Variants in FBXL13 observed in about 807,000 individuals in gnomAD.
FBXL13 encodes F-box and leucine-rich repeat protein 13.
In FBXL13, 67 loss-of-function variants were observed where a neutral mutation model predicts 83.6. That is an observed-to-expected ratio of 0.80 (90% CI 0.66 to 0.98). FBXL13 has a LOEUF of 0.98. FBXL13 is among the 50% of genes least tolerant of loss of function. FBXL13 has a pLI of 0.00. For synonymous variants in FBXL13, 272 were observed against 299.5 expected (o/e 0.91, Z 0.95); for missense variants, 822 against 866.5 (o/e 0.95, Z 0.64).
chr7:103,074,203 T>C (rs2129515830), intron 1 of FBXL13: 1 of 987,066 alleles, frequency 1.0e-6, no homozygotes, highest in Non-Finnish European at 1.2e-6. Flanking sequence ...CTAACCTCCA[T>C]CTATTTTCTG....
intron 16 of FBXL13, among the ~76,000 whole-genome samples, chr7:102,866,253 G>A (rs936715162): frequency 4.6e-5 from 7 of 152,164 alleles, no homozygotes; most frequent in Non-Finnish European, 1.0e-4. Context: ...CCATCTTGAG[G>A]GAAGTGACAG....
Position 103,012,213 on chromosome 7 carries a change from T to C in FBXL13, c.495+12850A>G, listed in dbSNP as rs1052803114. 3.9e-5 allele frequency among the ~76,000 whole-genome samples: 6 copies of C among 151,902 alleles called. No homozygotes were observed. In the South Asian group the frequency reaches 1.2e-3, roughly 32 times the overall value. Reference sequence around the variant, plus strand: ...CAACATGGAGAAACCCCGTCACTACTAAAAATACAAAATTAGCCGGGCGTG... The same window carrying C: ...CAACATGGAGAAACCCCGTCACTACCAAAAATACAAAATTAGCCGGGCGTG... On this transcript the variant is annotated intron_variant, in intron 6 of 19. Transcript: ENST00000313221.
intron 17 of FBXL13, among the ~76,000 whole-genome samples, chr7:102,846,632 A>AG (rs1200796217): frequency 6.6e-6 from 1 of 151,704 alleles, no homozygotes; most frequent in African/African-American, 2.4e-5. Context: ...AAAAAAAAAA[A>AG]TCTGAAATGA....
At chr7:102,867,338 A>G (rs1807799586) in intron 16 of FBXL13, among the ~76,000 whole-genome samples, 1 of 152,004 alleles carries the variant, frequency 6.6e-6, no homozygotes, top group African/African-American at 2.4e-5. Context: ...GGACTAAGTG[A>G]CACAGAAAGA....
At chr7:102,932,251 G>C (rs1819322848) in intron 8 of FBXL13, among the ~76,000 whole-genome samples, 1 of 152,126 alleles carries the variant, frequency 6.6e-6, no homozygotes, top group Non-Finnish European at 1.5e-5. Context: ...CTGGTTTTTT[G>C]TGCCTGCTTT....
chr7:102,965,624 G>A (rs1473954245), intron 7 of FBXL13, among the ~76,000 whole-genome samples: 1 of 152,120 alleles, frequency 6.6e-6, no homozygotes, highest in Non-Finnish European at 1.5e-5. Context: ...ATCCTAGGCT[G>A]GCGCTTATGT....
intron 6 of FBXL13, among the ~76,000 whole-genome samples, chr7:103,006,290 T>A (rs1006172005): frequency 3.9e-5 from 6 of 152,094 alleles, no homozygotes; most frequent in African/African-American, 1.2e-4. Flanking sequence ...TCTTCTTGAG[T>A]CTTTGACCGT....
chr7:103,019,699 T>C (rs1350495888), intron 6 of FBXL13, among the ~76,000 whole-genome samples: 1 of 152,164 alleles, frequency 6.6e-6, no homozygotes, highest in East Asian at 1.9e-4. Flanking sequence ...TAAACACCTC[T>C]ATGCAAATAA....
At chr7:102,843,349 A>G (rs923290987) in intron 17 of FBXL13, among the ~76,000 whole-genome samples, 9 of 152,192 alleles carry the variant, frequency 5.9e-5, no homozygotes, top group African/African-American at 2.2e-4. Flanking sequence ...AAGCTGAAGC[A>G]GGAGAATCAC....
At chr7:102,863,697 G>A (rs1202408333) in intron 16 of FBXL13, among the ~76,000 whole-genome samples, 1 of 152,052 alleles carries the variant, frequency 6.6e-6, no homozygotes, top group Non-Finnish European at 1.5e-5. Flanking sequence ...AGAATCAAAG[G>A]GGCCCATAGT....
At chr7:103,030,644 AAT>A (rs1453074947) in intron 2 of FBXL13, among the ~76,000 whole-genome samples, 11 of 151,718 alleles carry the variant, frequency 7.3e-5, no homozygotes, top group South Asian at 6.2e-4. Context: ...ATGTCATAAA[AAT>A]ATGAGTATAT....
At chr7:102,847,833 A>G (rs1393393716) in intron 17 of FBXL13, among the ~76,000 whole-genome samples, 1 of 152,006 alleles carries the variant, frequency 6.6e-6, no homozygotes, top group Admixed American at 6.6e-5. Context: ...CCAACCAACA[A>G]ACCAATTTTT....
chr7:103,055,709 A>C (rs539124787), exon 2 of FBXL13: 19 of 1,286,106 alleles, frequency 1.5e-5, no homozygotes, highest in Non-Finnish European at 1.9e-5. Flanking sequence ...ACCTCAGCGG[A>C]TCCTCAGGAC....
chr7:102,981,348 A>C (rs1237175504), intron 6 of FBXL13, among the ~76,000 whole-genome samples: 1 of 151,972 alleles, frequency 6.6e-6, no homozygotes, highest in Non-Finnish European at 1.5e-5. Flanking sequence ...TAAAATTTTT[A>C]CTTATTTGAT....
intron 2 of FBXL13, among the ~76,000 whole-genome samples, chr7:103,050,917 G>A (rs1748365176): frequency 6.6e-6 from 1 of 152,128 alleles, no homozygotes; most frequent in Non-Finnish European, 1.5e-5. Context: ...CGCCAAACCT[G>A]TTCTTAACTG....
chr7:103,001,121 TTTTTTTTTG>T, intron 6 of FBXL13, among the ~76,000 whole-genome samples: 1 of 149,240 alleles, frequency 6.7e-6, no homozygotes, highest in South Asian at 2.1e-4. Context: ...TATATATATA[TTTTTTTTTG>T]ATTTTTTTTT....
chr7:102,957,288 G>C lies in FBXL13; in HGVS notation c.724+6245C>G, dbSNP rs566053481. The stretch of plus-strand genomic sequence containing the variant: ...TGACGAAAACAAGAAATGGGGAAAG[G>C]ATTCCCTATTTAATAAATAATGCTG... On this transcript the variant is annotated intron_variant, in intron 8 of 19. Transcript: ENST00000313221. 1.2e-4 allele frequency among the ~76,000 whole-genome samples: 18 copies of C among 152,294 alleles called. No individual in the cohort carries two copies. The South Asian group carries it at 3.7e-3, about 32-fold the overall frequency.
chr7:102,960,497 A>G (rs1362336895), intron 8 of FBXL13, among the ~76,000 whole-genome samples: 1 of 151,832 alleles, frequency 6.6e-6, no homozygotes, highest in African/African-American at 2.4e-5. Context: ...GGCCAGCATC[A>G]TTCTGATACC....
chr7:102,860,535 G>A (rs971601367), intron 16 of FBXL13, among the ~76,000 whole-genome samples: 9 of 152,144 alleles, frequency 5.9e-5, no homozygotes, highest in African/African-American at 2.2e-4. Flanking sequence ...ATGGAACACT[G>A]CCAGGAACAG....
Sources: gnomAD v4.1 joint callset for allele counts (sites outside exome capture counted in the v4.1 genomes callset) on GRCh38, gnomAD v4.1.1 for gene constraint, MANE v1.5 for transcripts, NCBI Gene and HGNC (gene_info 2026-07-23, HGNC 2026-07-21) for gene names.